The following WDTC1 variants were observed in gnomAD, a reference collection of about 807,000 sequenced individuals.
WDTC1 encodes WD and tetratricopeptide repeats protein 1.
In WDTC1, 12 loss-of-function variants were observed where a neutral mutation model predicts 76.0. The observed-to-expected ratio is 0.16, with a 90% CI of 0.10 to 0.26. WDTC1 has a LOEUF of 0.26. Among genes scored for constraint, WDTC1 ranks in the 10% least tolerant of loss-of-function variants. The pLI is 1.00. For synonymous variants in WDTC1, 326 were observed against 350.8 expected, an observed-to-expected ratio of 0.93 and a Z score of 0.79; for missense variants, 511 against 908.8, an observed-to-expected ratio of 0.56 and a Z score of 5.63.
At chr1:27,247,502 C>T (rs544599454) in intron 1 of WDTC1, among the ~76,000 whole-genome samples, 13 of 152,174 alleles carry the variant, frequency 8.5e-5, no homozygotes, top group Non-Finnish European at 1.8e-4. Flanking sequence ...AAGTAGGTTC[C>T]AGTGTCTGTT....
chr1:27,242,047 A>G (rs4970513), intron 1 of WDTC1, among the ~76,000 whole-genome samples: 130,203 of 151,970 alleles, frequency 0.86, 57,482 homozygotes, highest in East Asian at 0.98. Context: ...GTGTGCCATC[A>G]CGCCTGGCTA....
At chr1:27,262,866 T>C (rs1330549848) in intron 2 of WDTC1, among the ~76,000 whole-genome samples, 1 of 152,132 alleles carries the variant, frequency 6.6e-6, no homozygotes, top group Admixed American at 6.6e-5. Context: ...AACCTAAATA[T>C]GGAACTATTC....
chr1:27,282,346 C>T, intron 4 of WDTC1, 61 bp downstream of exon 4: 2 of 1,539,008 alleles, frequency 1.3e-6, no homozygotes, highest in South Asian at 1.1e-5. Flanking sequence ...GGTGGAACAG[C>T]AAGGCTCCTC....
At chr1:27,289,165 G>T (rs1263633666) in intron 6 of WDTC1, among the ~76,000 whole-genome samples, 1 of 145,900 alleles carries the variant, frequency 6.9e-6, no homozygotes, top group Non-Finnish European at 1.5e-5. Flanking sequence ...CCGGGCAGAG[G>T]CGCCCCTCAC....
At chr1:27,302,270 T>C (rs1557510469) in intron 13 of WDTC1, among the ~76,000 whole-genome samples, 1 of 151,938 alleles carries the variant, frequency 6.6e-6, no homozygotes, top group Non-Finnish European at 1.5e-5. Flanking sequence ...TACAGTCTAG[T>C]GAAGGAACCA....
In WDTC1 at chr1:27,274,532, G is replaced by A. The variant is rs1201718245; in HGVS notation, c.133-7707G>A. On this transcript the variant is annotated intron_variant, in intron 3 of 15. Coordinates refer to ENST00000319394, the MANE Select transcript of WDTC1 (RefSeq NM_001276252.2). This position sits in a 1 kb window ranked among gnomAD's most constrained non-coding sequence, Gnocchi z 4.2. ...AGCAACCAAGTAAGAGAGCCAGAAG[G>A]GAGGTTGAGATTAAACAATTTAAAT... Among the ~76,000 whole-genome samples the A allele has an allele frequency of 1.3e-5, 2 of 152,162 alleles. No homozygotes were observed. The highest frequency in any genetic ancestry group is 4.8e-5 in the African/African-American group (2 of 41,446).
intron 5 of WDTC1, among the ~76,000 whole-genome samples, chr1:27,287,314 C>G (rs2013368237): frequency 6.6e-6 from 1 of 152,162 alleles, no homozygotes; most frequent in Non-Finnish European, 1.5e-5. Context: ...CAGACTTGGG[C>G]TTGAACACAA....
chr1:27,293,102 A>T (rs1296765317), intron 7 of WDTC1, among the ~76,000 whole-genome samples: 2 of 151,302 alleles, frequency 1.3e-5, no homozygotes, highest in Non-Finnish European at 2.9e-5. Flanking sequence ...GTGATTTTTT[A>T]AAAAACTTAA....
At chr1:27,235,707 G>A (rs1470042388) in intron 1 of WDTC1, among the ~76,000 whole-genome samples, 3 of 152,004 alleles carry the variant, frequency 2.0e-5, no homozygotes, top group Non-Finnish European at 4.4e-5. Context: ...TCTCCTCTGC[G>A]GGTGTACTCC....
chr1:27,286,312 TG>T (rs1205020114), intron 5 of WDTC1, among the ~76,000 whole-genome samples: 5,136 of 150,628 alleles, frequency 0.034, 118 homozygotes, highest in Middle Eastern at 0.048. Context: ...CGGTTTTTTT[TG>T]TTTTTTTTTT....
intron 3 of WDTC1, among the ~76,000 whole-genome samples, chr1:27,269,996 A>T (rs1297679788): frequency 6.6e-6 from 1 of 151,432 alleles, no homozygotes; most frequent in Admixed American, 6.6e-5. Flanking sequence ...GAGCGCAGTG[A>T]TGCGATCATG....
chr1:27,261,786 AT>A (rs2012481775), intron 2 of WDTC1, among the ~76,000 whole-genome samples: 2 of 152,120 alleles, frequency 1.3e-5, no homozygotes, highest in East Asian at 3.9e-4. Flanking sequence ...GTCTTTAGTC[AT>A]TTTACCTCCT....
At chr1:27,241,728 A>G (rs903340443) in intron 1 of WDTC1, among the ~76,000 whole-genome samples, 4 of 152,118 alleles carry the variant, frequency 2.6e-5, no homozygotes, top group Admixed American at 2.0e-4. Context: ...TTATCAAAAT[A>G]TGCTCCCTTT....
intron 12 of WDTC1, among the ~76,000 whole-genome samples, chr1:27,299,317 T>C (rs1459494707): frequency 6.6e-6 from 1 of 152,148 alleles, no homozygotes; most frequent in Non-Finnish European, 1.5e-5. Flanking sequence ...TGGACATAGT[T>C]CAGCATTAAA....
At chr1:27,259,912 C>T (rs2012420530) in intron 1 of WDTC1, among the ~76,000 whole-genome samples, 1 of 151,626 alleles carries the variant, frequency 6.6e-6, no homozygotes, top group Admixed American at 6.6e-5. Context: ...TGGTGTGCAC[C>T]TGTGATCTCA....
intron 3 of WDTC1, among the ~76,000 whole-genome samples, chr1:27,263,883 G>GTATACATATACATATACA (rs577771632): frequency 2.6e-5 from 4 of 151,344 alleles, no homozygotes; most frequent in Admixed American, 2.0e-4. Context: ...ATACATATAC[G>GTATACATATACATATACA]TATACATATA....
chr1:27,298,019 A>G lies in WDTC1; in HGVS notation c.1140A>G (p.Gln380=). 1 of 1,614,160 alleles carries G rather than the reference A, an allele frequency of 6.2e-7. No individual in the cohort carries two copies. Among genetic ancestry groups the G allele is most frequent in the Non-Finnish European group, 8.5e-7 (1 of 1,180,004 alleles). The part of the protein sequence containing the change: ...NEAFACQQWT[Q]AIQLYSKAVQ... The stretch of plus-strand genomic sequence containing the variant: ...CTTTTGCCTGCCAGCAGTGGACCCA[A>G]GCCATTCAGCTTTACAGCAAGGCTG... The change falls in exon 12 of 16, where the codon CAA becomes CAG. Residue 380 remains glutamine, a synonymous_variant. Transcript: ENST00000319394.
intron 10 of WDTC1, among the ~76,000 whole-genome samples, chr1:27,296,767 G>GCCCTAGCCGCAGCCCCAA (rs2013698490): frequency 7.2e-5 from 1 of 13,890 alleles, no homozygotes; most frequent in Non-Finnish European, 1.8e-4. Flanking sequence ...CCCAGCCCCA[G>GCCCTAGCCGCAGCCCCAA]CCCTAGCCCC....
chr1:27,296,232 ACT>A, intron 9 of WDTC1, 92 bp from the exon 10 acceptor site: 4 of 1,403,958 alleles, frequency 2.8e-6, no homozygotes, highest in East Asian at 4.6e-5. Context: ...GTGTTCCAAG[ACT>A]CTAGTTCTTG....
Sources: gnomAD v4.1 joint callset for allele counts (sites outside exome capture counted in the v4.1 genomes callset) on GRCh38, gnomAD v4.1.1 for gene constraint, Gnocchi (gnomAD v3.1) non-coding constraint, MANE v1.5 for transcripts, NCBI Gene and HGNC (gene_info 2026-07-23, HGNC 2026-07-21) for gene names.